The following AKT3 variants were observed in gnomAD, a reference collection of about 807,000 sequenced individuals.
AKT3 encodes RAC-gamma serine/threonine-protein kinase.
Under a neutral mutation model 65.3 loss-of-function variants are expected in AKT3, and 15 were observed. The observed-to-expected ratio is 0.23, with a 90% CI of 0.15 to 0.35. The LOEUF (loss-of-function observed/expected upper bound fraction) is 0.35, where lower values mean the gene tolerates loss of function less well. AKT3 is among the 10% of genes least tolerant of loss of function. The pLI is 1.00. For missense variants in AKT3, 243 were observed against 576.5 expected, an observed-to-expected ratio of 0.42 and a Z score of 5.92; for synonymous variants, 206 against 183.8, an observed-to-expected ratio of 1.12 and a Z score of -0.98.
chr1:243,497,340 G>GGA (rs1290875062), downstream of AKT3, among the ~76,000 whole-genome samples: 1 of 141,346 alleles, frequency 7.1e-6, no homozygotes, highest in Admixed American at 7.1e-5. Flanking sequence ...GCACGGGTGG[G>GGA]GGGGGGGGCG....
chr1:243,745,756 T>A (rs1688440383), intron 2 of AKT3, among the ~76,000 whole-genome samples: 1 of 152,124 alleles, frequency 6.6e-6, no homozygotes, highest in African/African-American at 2.4e-5. Context: ...CCCAGGGAAG[T>A]CAAAAGACTG....
intron 2 of AKT3, among the ~76,000 whole-genome samples, chr1:243,745,293 T>A (rs367575010): frequency 6.6e-6 from 1 of 152,150 alleles, no homozygotes; most frequent in Non-Finnish European, 1.5e-5. Context: ...TGAGCTATGA[T>A]CATGCCACTG....
intron 12 of AKT3, among the ~76,000 whole-genome samples, chr1:243,525,973 C>T (rs750349979): frequency 1.1e-4 from 17 of 150,982 alleles, no homozygotes; most frequent in Non-Finnish European, 4.4e-5. Flanking sequence ...TAGAAAACCT[C>T]ACCTAAACAC....
intron 2 of AKT3, among the ~76,000 whole-genome samples, chr1:243,752,419 G>A (rs1207673623): frequency 2.6e-5 from 4 of 151,886 alleles, no homozygotes; most frequent in Admixed American, 6.6e-5. Context: ...TAAATGTTAC[G>A]GAAATTATGT....
chr1:243,578,848 G>A (rs1168117863), intron 8 of AKT3, among the ~76,000 whole-genome samples: 1 of 152,088 alleles, frequency 6.6e-6, no homozygotes, highest in Non-Finnish European at 1.5e-5. Context: ...GACACAATGA[G>A]AGAAAACCGT....
At position 243,731,785 on chromosome 1, in the gene AKT3, C is replaced by A. The variant is rs149680663; in HGVS notation, c.47-36069G>T. ...GTTTATTAGCTGTGCAACCATGGAC[C>A]AATGTACTTCACTAACCCTCAGAAT... is the stretch of plus-strand genomic sequence containing the variant. On this transcript the variant is annotated intron_variant, in intron 2 of 13. Coordinates refer to ENST00000673466, the MANE Select transcript of AKT3 (RefSeq NM_005465.7). Among the ~76,000 whole-genome samples, 227 of 152,144 alleles carry A rather than the reference C, an allele frequency of 1.5e-3. 1 individual carries two copies. Among genetic ancestry groups the A allele is most frequent in the African/African-American group, 5.3e-3 (219 of 41,492 alleles).
intron 5 of AKT3, 87 bp downstream of exon 5, chr1:243,645,806 G>C: frequency 7.7e-7 from 1 of 1,300,792 alleles, no homozygotes; most frequent in East Asian, 2.4e-5. Flanking sequence ...AAGAAAACTG[G>C]CTGACATCTT....
chr1:243,625,122 GTGTTTTTTT>G, intron 6 of AKT3: 1 of 122,328 alleles, frequency 8.2e-6, no homozygotes, highest in South Asian at 2.0e-4. Context: ...ACTGCAGTTT[GTGTTTTTTT>G]TTTTTTTTTT....
chr1:243,770,102 T>A (rs951311212), intron 2 of AKT3, among the ~76,000 whole-genome samples: 2 of 152,202 alleles, frequency 1.3e-5, no homozygotes, highest in East Asian at 3.8e-4. Flanking sequence ...CCTTGTTGAA[T>A]ACCAATTAGC....
At chr1:243,826,156 G>C (rs888491352) in intron 2 of AKT3, among the ~76,000 whole-genome samples, 1 of 151,882 alleles carries the variant, frequency 6.6e-6, no homozygotes, top group African/African-American at 2.4e-5. Context: ...AAAGAAAGGA[G>C]CATAAACCTA....
In AKT3 at chr1:243,512,434, A is replaced by G; in HGVS notation, c.1252-8T>C. On this transcript the variant is annotated splice_region_variant and splice_polypyrimidine_tract_variant and intron_variant, in intron 12 of 13. Transcript: ENST00000673466. The stretch of plus-strand genomic sequence containing the variant: ...TTTAAAAGGAGGTACAAGCTGTAAA[A>G]AGAAAGAAAAAGAGTTTTATTAACT... 12 of 1,475,236 alleles carry G rather than the reference A, an allele frequency of 8.1e-6. No homozygotes were observed. The highest frequency in any genetic ancestry group is 1.1e-5 in the Non-Finnish European group (12 of 1,079,242). 91.4% of individuals were successfully genotyped at this position (1,475,236 alleles called of 1,614,324 possible).
intron 8 of AKT3, among the ~76,000 whole-genome samples, chr1:243,589,902 A>G (rs534179023): frequency 1.3e-5 from 2 of 152,228 alleles, no homozygotes; most frequent in African/African-American, 2.4e-5. Flanking sequence ...ATACAATGGA[A>G]TATTATTCAG....
chr1:243,630,624 G>A (rs1300840786), intron 6 of AKT3, among the ~76,000 whole-genome samples: 1 of 151,990 alleles, frequency 6.6e-6, no homozygotes. Context: ...AACCCTGGTG[G>A]CTCCATCACC....
chr1:243,561,065 T>C (rs994137252), intron 10 of AKT3, among the ~76,000 whole-genome samples: 4 of 152,042 alleles, frequency 2.6e-5, no homozygotes, highest in Non-Finnish European at 2.9e-5. Context: ...ACCACAAAAA[T>C]AGAGAATTCT....
intron 7 of AKT3, among the ~76,000 whole-genome samples, chr1:243,614,171 G>A (rs948701101): frequency 3.3e-5 from 5 of 152,044 alleles, no homozygotes; most frequent in African/African-American, 1.2e-4. Context: ...TTTGCATATT[G>A]AGTGCACAAC....
intron 3 of AKT3, among the ~76,000 whole-genome samples, chr1:243,685,333 C>T (rs1278894927): frequency 6.6e-6 from 1 of 152,060 alleles, no homozygotes; most frequent in Non-Finnish European, 1.5e-5. Context: ...AGTCTTTAAT[C>T]CATCTTGAGT....
chr1:243,825,350 A>T (rs894051571), intron 2 of AKT3, among the ~76,000 whole-genome samples: 8 of 152,342 alleles, frequency 5.3e-5, no homozygotes, highest in Non-Finnish European at 8.8e-5. Context: ...ACCATGGCAC[A>T]CGTTTACCTA....
At chr1:243,615,428 C>A (rs943331815) in intron 6 of AKT3, among the ~76,000 whole-genome samples, 1 of 152,052 alleles carries the variant, frequency 6.6e-6, no homozygotes, top group Non-Finnish European at 1.5e-5. Context: ...AAAAATCAGT[C>A]AGAAAATTAT....
chr1:243,647,948 A>C (rs370621164), intron 4 of AKT3, among the ~76,000 whole-genome samples: 6 of 152,120 alleles, frequency 3.9e-5, no homozygotes, highest in Non-Finnish European at 8.8e-5. Context: ...ATTTTTAATG[A>C]AAGTTTGTTG....
Sources: gnomAD v4.1 joint callset for allele counts (sites outside exome capture counted in the v4.1 genomes callset) on GRCh38, gnomAD v4.1.1 for gene constraint, MANE v1.5 for transcripts, NCBI Gene and HGNC (gene_info 2026-07-23, HGNC 2026-07-21) for gene names.